Variants in MRPL48 observed in about 807,000 individuals in gnomAD.
MRPL48 encodes the protein mitochondrial ribosomal protein L48.
MRPL48 carries 16 observed loss-of-function variants against 32.9 expected under a neutral mutation model. The observed-to-expected ratio is 0.49, with a 90% CI of 0.33 to 0.74. The LOEUF is 0.74. Ranked by LOEUF, MRPL48 falls within the 30% of genes least tolerant of loss-of-function variation. The pLI is 0.02. For synonymous variants in MRPL48, 94 were observed against 89.2 expected (o/e 1.05, Z -0.31); for missense variants, 206 against 245.3 (o/e 0.84, Z 1.07).
intron 1 of MRPL48, among the ~76,000 whole-genome samples, chr11:73,804,253 A>G (rs1458456649): frequency 6.6e-6 from 1 of 151,304 alleles, no homozygotes; most frequent in African/African-American, 2.4e-5. Flanking sequence ...GTACTATAAT[A>G]GAGGCATAGC....
intron 4 of MRPL48, among the ~76,000 whole-genome samples, chr11:73,833,483 G>A (rs1312098381): frequency 6.6e-6 from 1 of 152,018 alleles, no homozygotes; most frequent in African/African-American, 2.4e-5. Flanking sequence ...ATCCTTGCAA[G>A]CCATATTCCC....
At chr11:73,803,361 C>A (rs1947391587) in intron 1 of MRPL48, among the ~76,000 whole-genome samples, 1 of 151,874 alleles carries the variant, frequency 6.6e-6, no homozygotes, top group Non-Finnish European at 1.5e-5. Flanking sequence ...GAACTCCTGG[C>A]CTCAAGTGAT....
intron 1 of MRPL48, among the ~76,000 whole-genome samples, chr11:73,795,179 G>T (rs1383170114): frequency 6.6e-6 from 1 of 152,154 alleles, no homozygotes; most frequent in Non-Finnish European, 1.5e-5. Flanking sequence ...GCTTTCCAAA[G>T]TGCTAGGATT....
At chr11:73,841,805 T>TA (rs1250367757) in intron 4 of MRPL48, among the ~76,000 whole-genome samples, 7 of 152,222 alleles carry the variant, frequency 4.6e-5, no homozygotes, top group Non-Finnish European at 1.0e-4. Flanking sequence ...TTTAAAATTC[T>TA]AATTTTAGAT....
At chr11:73,845,375 C>G (rs1027770331) in intron 5 of MRPL48, among the ~76,000 whole-genome samples, 1 of 152,102 alleles carries the variant, frequency 6.6e-6, no homozygotes, top group African/African-American at 2.4e-5. Flanking sequence ...CATAAGTTAC[C>G]AGCTTAACTA....
chr11:73,817,338 T>C (rs1410397388), intron 3 of MRPL48, among the ~76,000 whole-genome samples: 1 of 152,188 alleles, frequency 6.6e-6, no homozygotes, highest in African/African-American at 2.4e-5. Context: ...ATTTGTGCCA[T>C]TGTCTGATTA....
chr11:73,863,649 T>A (rs1262889466), intron 7 of MRPL48, among the ~76,000 whole-genome samples: 1 of 152,214 alleles, frequency 6.6e-6, no homozygotes, highest in Admixed American at 6.5e-5. Flanking sequence ...CTTCAAGGCT[T>A]GACTGTAGCT....
chr11:73,815,776 T>G lies in MRPL48; in HGVS notation c.112+7426T>G, dbSNP rs137928119. On this transcript the variant is annotated intron_variant, in intron 3 of 7. Coordinates refer to ENST00000310614, the MANE Select transcript of MRPL48 (RefSeq NM_016055.6). ...GCTCGCTCTGTCACCCAGGCTGGAGTGTAGTGGCACCATCACAGCTTACTG... is the reference window on the plus strand; with the variant it reads ...GCTCGCTCTGTCACCCAGGCTGGAGGGTAGTGGCACCATCACAGCTTACTG... 6.9e-3 allele frequency among the ~76,000 whole-genome samples: 1,045 copies of G among 151,678 alleles called. 10 individuals are homozygous for G. The highest frequency in any genetic ancestry group is 0.022 in the African/African-American group (904 of 41,362).
chr11:73,821,422 A>G (rs1947780591), intron 3 of MRPL48, among the ~76,000 whole-genome samples: 1 of 152,174 alleles, frequency 6.6e-6, no homozygotes, highest in Admixed American at 6.6e-5. Context: ...TGTCTGGGAT[A>G]TCATTAGTAC....
chr11:73,820,485 A>G (rs1049165520), intron 3 of MRPL48, among the ~76,000 whole-genome samples: 1 of 152,082 alleles, frequency 6.6e-6, no homozygotes, highest in African/African-American at 2.4e-5. Flanking sequence ...CAGCCTCCCA[A>G]AATGCTGGGA....
chr11:73,858,811 A>G (rs528263115), intron 5 of MRPL48, among the ~76,000 whole-genome samples: 8 of 152,220 alleles, frequency 5.3e-5, no homozygotes, highest in African/African-American at 1.7e-4. Context: ...ATAGGCCTAG[A>G]TGGTTATCTT....
At chr11:73,826,059 C>T (rs1226405684) in intron 4 of MRPL48, among the ~76,000 whole-genome samples, 1 of 151,980 alleles carries the variant, frequency 6.6e-6, no homozygotes, top group Non-Finnish European at 1.5e-5. Context: ...GCTCTGTCAC[C>T]TAGGCTGGAG....
At chr11:73,794,198 A>G (rs7940411) in intron 1 of MRPL48, among the ~76,000 whole-genome samples, 56 of 115,232 alleles carry the variant, frequency 4.9e-4, no homozygotes, top group Admixed American at 1.1e-3. Flanking sequence ...CTATCTATCT[A>G]TCTATCTATC....
intron 5 of MRPL48, among the ~76,000 whole-genome samples, chr11:73,859,228 C>T (rs1948539386): frequency 6.6e-6 from 1 of 152,088 alleles, no homozygotes. Context: ...CAAGGTTAGC[C>T]TCCAAAGCAT....
intron 3 of MRPL48, among the ~76,000 whole-genome samples, chr11:73,811,767 T>G (rs1293503057): frequency 1.3e-5 from 2 of 152,206 alleles, no homozygotes; most frequent in Non-Finnish European, 2.9e-5. Context: ...ACTGCACTTT[T>G]GCACCAACCT....
chr11:73,837,229 G>A (rs1176855932), intron 4 of MRPL48, among the ~76,000 whole-genome samples: 1 of 152,254 alleles, frequency 6.6e-6, no homozygotes, highest in Middle Eastern at 3.4e-3. Flanking sequence ...TTATAGCGAT[G>A]GGTAGATACT....
chr11:73,829,085 C>T (rs900296619), intron 4 of MRPL48, among the ~76,000 whole-genome samples: 3 of 152,162 alleles, frequency 2.0e-5, no homozygotes, highest in African/African-American at 4.8e-5. Flanking sequence ...AGCTTAATGC[C>T]GTCTGTCCCC....
chr11:73,793,914 C>T (rs1947197955), intron 1 of MRPL48, among the ~76,000 whole-genome samples: 1 of 150,214 alleles, frequency 6.7e-6, no homozygotes, highest in South Asian at 2.1e-4. Context: ...CTATATTGCC[C>T]AGGCAGGTCT....
chr11:73,851,179 C>A, intron 5 of MRPL48: 1 of 437,974 alleles, frequency 2.3e-6, no homozygotes, highest in East Asian at 6.9e-5. Flanking sequence ...AAACTCCTCC[C>A]AGTTCACACC....
Sources: gnomAD v4.1 joint callset for allele counts (sites outside exome capture counted in the v4.1 genomes callset) on GRCh38, gnomAD v4.1.1 for gene constraint, MANE v1.5 for transcripts, NCBI Gene and HGNC (gene_info 2026-07-23, HGNC 2026-07-21) for gene names.